GNAZ: variants seen among roughly 807,000 people sequenced by gnomAD.
The protein encoded by GNAZ is G protein subunit alpha z, also known as guanine nucleotide-binding protein G(z) subunit alpha.
GNAZ carries 3 observed loss-of-function variants against 25.4 expected under a neutral mutation model. The observed-to-expected ratio is 0.12, with a 90% CI of 0.05 to 0.30. GNAZ has a LOEUF of 0.30. GNAZ is among the 10% of genes least tolerant of loss of function. The probability of loss-of-function intolerance (pLI) is 1.00; values close to 1 mark genes in which losing one functional copy is unlikely to be tolerated. For synonymous variants in GNAZ, 211 were observed against 205.7 expected (o/e 1.03, Z -0.22); for missense variants, 241 against 501.8 (o/e 0.48, Z 4.97).
chr22:23,102,791 C>T (rs2069344364), intron 2 of GNAZ, among the ~76,000 whole-genome samples: 2 of 152,230 alleles, frequency 1.3e-5, no homozygotes, highest in African/African-American at 4.8e-5. Context: ...AGCCAGGAGG[C>T]CAACCCCATC....
intron 2 of GNAZ, among the ~76,000 whole-genome samples, chr22:23,109,997 G>C (rs1445209871): frequency 6.6e-6 from 1 of 152,228 alleles, no homozygotes; most frequent in Admixed American, 6.5e-5. Context: ...TCTCCAATCT[G>C]TCAAGGTAGC....
intron 1 of GNAZ, among the ~76,000 whole-genome samples, chr22:23,080,651 C>G (rs542985678): frequency 6.6e-6 from 1 of 152,322 alleles, no homozygotes; most frequent in East Asian, 1.9e-4. Flanking sequence ...GGCCTGGGCC[C>G]TGGTTACTGT....
intron 2 of GNAZ, among the ~76,000 whole-genome samples, chr22:23,101,008 T>C (rs1033292956): frequency 6.6e-6 from 1 of 152,214 alleles, no homozygotes; most frequent in African/African-American, 2.4e-5. Context: ...AAATGGCGTG[T>C]TGTGGGTGAA....
At chr22:23,082,858 T>G (rs1207107122) in intron 1 of GNAZ, among the ~76,000 whole-genome samples, 2 of 152,214 alleles carry the variant, frequency 1.3e-5, no homozygotes, top group Non-Finnish European at 2.9e-5. Context: ...TGAGGCTAGC[T>G]GGGCTCTCAG....
In GNAZ at chr22:23,123,679, C is replaced by T. The variant is rs1462233189; in HGVS notation, c.*248C>T. On this transcript the variant is annotated 3_prime_UTR_variant, in exon 3 of 3. Transcript: ENST00000615612. ...GAGATGGCAAAATCCTCTAAAATGT[C>T]GAGGTCTCTTGAAGACTTGAGAAGC... The T allele has an allele frequency of 1.9e-5, 10 of 529,224 alleles. No individual in the cohort carries two copies. The highest frequency in any genetic ancestry group is 3.1e-5 in the Non-Finnish European group (9 of 294,526). The allele number at this position is 529,224 out of a possible 1,614,324, so 32.8% of individuals were successfully genotyped here.
At chr22:23,106,843 C>A (rs930636790) in intron 2 of GNAZ, among the ~76,000 whole-genome samples, 1 of 152,232 alleles carries the variant, frequency 6.6e-6, no homozygotes, top group Non-Finnish European at 1.5e-5. Context: ...GGCCTTCTGA[C>A]CTGGACATCC....
At chr22:23,073,827 C>T (rs2068438926) in intron 1 of GNAZ, among the ~76,000 whole-genome samples, 1 of 152,132 alleles carries the variant, frequency 6.6e-6, no homozygotes, top group Admixed American at 6.5e-5. Flanking sequence ...ACGTAGCATC[C>T]ACTCACAGTG....
chr22:23,079,463 G>C (rs956400118), intron 1 of GNAZ, among the ~76,000 whole-genome samples: 2 of 152,188 alleles, frequency 1.3e-5, no homozygotes, highest in Non-Finnish European at 2.9e-5. Flanking sequence ...AGGAGTGGGG[G>C]AGGGGGAGCA....
intron 2 of GNAZ, among the ~76,000 whole-genome samples, chr22:23,101,043 C>T (rs938101658): frequency 6.6e-6 from 1 of 152,184 alleles, no homozygotes; most frequent in African/African-American, 2.4e-5. Flanking sequence ...GTAAGACAGG[C>T]TTATACCTAT....
chr22:23,123,642 C>G lies in GNAZ; in HGVS notation c.*211C>G, dbSNP rs961734571. The G allele has an allele frequency of 5.3e-5, 31 of 584,104 alleles. No homozygotes were observed. In the Admixed American group the frequency reaches 9.3e-4, roughly 18 times the overall value. 36.2% of individuals were successfully genotyped at this position (584,104 alleles called of 1,614,324 possible). A position where few individuals can be genotyped will look rare whatever the true frequency, so the allele number is the denominator to read the frequency against. ...GTAGATAGACACACACACATGCACA[C>G]ACACACATCTGGAGATGGCAAAATC... On this transcript the variant is annotated 3_prime_UTR_variant, in exon 3 of 3. Coordinates refer to ENST00000615612, the MANE Select transcript of GNAZ (RefSeq NM_002073.4).
intron 2 of GNAZ, among the ~76,000 whole-genome samples, chr22:23,111,400 C>T (rs975536038): frequency 6.6e-6 from 1 of 152,180 alleles, no homozygotes; most frequent in African/African-American, 2.4e-5. Context: ...CAAAGAGGCC[C>T]AGAAAAGTCT....
chr22:23,115,404 G>A (rs1460635851), intron 2 of GNAZ, among the ~76,000 whole-genome samples: 2 of 152,228 alleles, frequency 1.3e-5, no homozygotes, highest in African/African-American at 2.4e-5. Context: ...TCTCTGGGGT[G>A]TGTGCAAGGG....
At chr22:23,084,192 A>G (rs941318290) in intron 1 of GNAZ, among the ~76,000 whole-genome samples, 8 of 152,232 alleles carry the variant, frequency 5.3e-5, no homozygotes, top group Non-Finnish European at 1.5e-5. Flanking sequence ...AAATACAAGC[A>G]GTCCCCAACT....
chr22:23,114,056 A>G (rs1020046380), intron 2 of GNAZ, among the ~76,000 whole-genome samples: 1 of 152,200 alleles, frequency 6.6e-6, no homozygotes, highest in Admixed American at 6.5e-5. Flanking sequence ...AGGTGACAGC[A>G]TGAAGCTCAT....
intron 1 of GNAZ, among the ~76,000 whole-genome samples, chr22:23,081,135 G>A (rs1569163529): frequency 6.6e-6 from 1 of 152,200 alleles, no homozygotes; most frequent in Admixed American, 6.5e-5. Flanking sequence ...TAAAAGCCGT[G>A]GTTAGGTTTG....
chr22:23,077,966 C>G (rs1238522741), intron 1 of GNAZ, among the ~76,000 whole-genome samples: 1 of 152,232 alleles, frequency 6.6e-6, no homozygotes, highest in Non-Finnish European at 1.5e-5. Flanking sequence ...GGCCCTCATG[C>G]CTCCTCCTGC....
At chr22:23,076,299 G>A (rs1190071239) in intron 1 of GNAZ, among the ~76,000 whole-genome samples, 2 of 152,222 alleles carry the variant, frequency 1.3e-5, no homozygotes, top group East Asian at 3.8e-4. Flanking sequence ...TGAGGGCAGG[G>A]ACGTTGCGGA....
At chr22:23,098,936 G>A (rs1268225220) in intron 2 of GNAZ, among the ~76,000 whole-genome samples, 1 of 152,212 alleles carries the variant, frequency 6.6e-6, no homozygotes, top group African/African-American at 2.4e-5. Context: ...GGAACGTGCT[G>A]AACTGTCCTC....
At chr22:23,099,285 G>A (rs1016269087) in intron 2 of GNAZ, among the ~76,000 whole-genome samples, 1 of 152,270 alleles carries the variant, frequency 6.6e-6, no homozygotes, top group Non-Finnish European at 1.5e-5. Flanking sequence ...GGGTGTCTGT[G>A]GAGCATGGCA....
Sources: gnomAD v4.1 joint callset for allele counts (sites outside exome capture counted in the v4.1 genomes callset) on GRCh38, gnomAD v4.1.1 for gene constraint, MANE v1.5 for transcripts, NCBI Gene and HGNC (gene_info 2026-07-23, HGNC 2026-07-21) for gene names.